Variants in SOX5 observed in about 807,000 individuals in gnomAD.
SOX5 encodes transcription factor SOX-5.
In SOX5, 9 loss-of-function variants were observed where a neutral mutation model predicts 92.0. The observed-to-expected ratio is 0.10, with a 90% confidence interval of 0.06 to 0.17. The LOEUF (loss-of-function observed/expected upper bound fraction) is 0.17. SOX5 is among the 10% of genes least tolerant of loss of function. The probability of loss-of-function intolerance (pLI) is 1.00; values close to 1 mark genes in which losing one functional copy is unlikely to be tolerated. For synonymous variants in SOX5, 344 were observed against 336.3 expected, an observed-to-expected ratio of 1.02 and a Z score of -0.25; for missense variants, 642 against 944.5, an observed-to-expected ratio of 0.68 and a Z score of 4.20.
intron 3 of SOX5, among the ~76,000 whole-genome samples, chr12:23,821,317 TTTTGGGGCTGAGATGATGGGGTTTTCTAA>T (rs1192315640): frequency 1.3e-5 from 2 of 152,024 alleles, no homozygotes; most frequent in Admixed American, 1.3e-4. Context: ...GCTTAAGGAG[TTTTGGGGCTGAGATGATGGGGTTTTCTAA>T]ATATACAATC....
chr12:24,143,788 G>T (rs1950805907), intron 4 of SOX5, among the ~76,000 whole-genome samples: 1 of 151,330 alleles, frequency 6.6e-6, no homozygotes, highest in Non-Finnish European at 1.5e-5. Context: ...AGAACGACAG[G>T]TAATAAGAGA....
At chr12:24,507,287 T>C (rs1948888377) in intron 1 of SOX5, among the ~76,000 whole-genome samples, 1 of 151,928 alleles carries the variant, frequency 6.6e-6, no homozygotes, top group Non-Finnish European at 1.5e-5. Context: ...AAATTAGGTA[T>C]ATAAGTAGAT....
intron 4 of SOX5, among the ~76,000 whole-genome samples, chr12:24,005,359 T>A (rs942134887): frequency 2.0e-5 from 3 of 152,142 alleles, no homozygotes; most frequent in African/African-American, 7.2e-5. Context: ...AGTAAAATAG[T>A]CTGATATTTT....
intron 1 of SOX5, among the ~76,000 whole-genome samples, chr12:24,491,072 T>C (rs1456001542): frequency 6.6e-6 from 1 of 151,574 alleles, no homozygotes; most frequent in Non-Finnish European, 1.5e-5. Flanking sequence ...CTTTCTTTCC[T>C]TCTTTCTTTC....
intron 4 of SOX5, among the ~76,000 whole-genome samples, chr12:24,156,857 G>A (rs866278802): frequency 2.0e-5 from 3 of 152,052 alleles, no homozygotes; most frequent in African/African-American, 7.2e-5. Flanking sequence ...TAAAACTTGT[G>A]AGAAAATGTC....
intron 4 of SOX5, among the ~76,000 whole-genome samples, chr12:24,181,238 G>A (rs1370798162): frequency 5.3e-5 from 8 of 152,080 alleles, no homozygotes; most frequent in Non-Finnish European, 1.2e-4. Flanking sequence ...CTCCCCATTG[G>A]GGTCTGATTC....
chr12:24,172,046 G>A (rs1336377909), intron 4 of SOX5, among the ~76,000 whole-genome samples: 1 of 151,768 alleles, frequency 6.6e-6, no homozygotes, highest in Non-Finnish European at 1.5e-5. Context: ...AGGAATGAGG[G>A]ATAATGTACT....
chr12:24,100,638 T>C (rs1159916419), intron 4 of SOX5, among the ~76,000 whole-genome samples: 2 of 152,102 alleles, frequency 1.3e-5, no homozygotes, highest in South Asian at 2.1e-4. Context: ...CAAATTTATG[T>C]CTCTAACCCA....
At chr12:23,823,598 G>A (rs1432062316) in intron 3 of SOX5, among the ~76,000 whole-genome samples, 1 of 152,126 alleles carries the variant, frequency 6.6e-6, no homozygotes, top group Non-Finnish European at 1.5e-5. Context: ...GTGTCTTGGG[G>A]TTGCTCTTCT....
intron 2 of SOX5, among the ~76,000 whole-genome samples, chr12:23,888,365 A>G (rs1040472985): frequency 2.0e-5 from 3 of 152,080 alleles, no homozygotes; most frequent in African/African-American, 7.2e-5. Flanking sequence ...TGGGGATAAT[A>G]GTAGACATTC....
intron 4 of SOX5, among the ~76,000 whole-genome samples, chr12:24,187,178 T>C (rs896802159): frequency 1.3e-5 from 2 of 152,152 alleles, no homozygotes; most frequent in African/African-American, 4.8e-5. Context: ...ATCTGAGTAT[T>C]AGACCAACAG....
rs555091735 is a variant in SOX5 at position 24,150,753 on chromosome 12, G to A, written c.-2+62590C>T. ...GGAATTAGTCAATACCTCACATTCA[G>A]CAGAGACACCAAGTAAAACAAGGGC... On this transcript the variant is annotated intron_variant, in intron 4 of 4. Coordinates refer to the SOX5 transcript ENST00000446891. Among the ~76,000 whole-genome samples, 16 of 152,216 alleles carry A rather than the reference G, an allele frequency of 1.1e-4. No individual in the cohort carries two copies. The South Asian group carries it at 2.1e-3, about 20-fold the overall frequency.
intron 7 of SOX5, among the ~76,000 whole-genome samples, chr12:23,658,755 T>C (rs2082644770): frequency 6.6e-6 from 1 of 152,100 alleles, no homozygotes; most frequent in African/African-American, 2.4e-5. Context: ...TAGCAAGGCA[T>C]GGTGGCAGAC....
intron 1 of SOX5, among the ~76,000 whole-genome samples, chr12:23,940,507 ATT>A (rs1943420827): frequency 6.6e-6 from 1 of 151,184 alleles, no homozygotes; most frequent in African/African-American, 2.4e-5. Context: ...AAGTAATGAA[ATT>A]TTAGAGTTAA....
At chr12:24,166,734 C>T (rs1953457044) in intron 4 of SOX5, among the ~76,000 whole-genome samples, 2 of 152,200 alleles carry the variant, frequency 1.3e-5, no homozygotes, top group South Asian at 4.1e-4. Flanking sequence ...GCACATAAAG[C>T]TAATTCATTC....
chr12:24,383,385 T>C (rs1259532245), intron 1 of SOX5, among the ~76,000 whole-genome samples: 2 of 152,246 alleles, frequency 1.3e-5, no homozygotes, highest in African/African-American at 2.4e-5. Flanking sequence ...TGTCCACATA[T>C]GTAGTTACAT....
At chr12:23,558,683 ACCTCTGC>A (rs1945665413) in intron 11 of SOX5, among the ~76,000 whole-genome samples, 1 of 152,132 alleles carries the variant, frequency 6.6e-6, no homozygotes, top group Non-Finnish European at 1.5e-5. Flanking sequence ...GCTCACCGCA[ACCTCTGC>A]CTCCCAGGTT....
In SOX5 at chr12:23,774,490, C is replaced by T. The variant is rs764206122; in HGVS notation, c.482-18766G>A. On this transcript the variant is annotated intron_variant, in intron 3 of 14. Coordinates refer to ENST00000451604, the MANE Select transcript of SOX5 (RefSeq NM_006940.6). ...TCCTTTGCACCCAAAATTCTAACTT[C>T]AATGATATTCTGCTGAGTCAAATTT... Among the ~76,000 whole-genome samples the T allele has an allele frequency of 6.6e-4, 100 of 152,118 alleles. 1 individual carries two copies. Among genetic ancestry groups the T allele is most frequent in the Non-Finnish European group, 1.1e-3 (76 of 67,944 alleles).
intron 3 of SOX5, among the ~76,000 whole-genome samples, chr12:23,833,608 C>A (rs954298617): frequency 6.6e-6 from 1 of 151,894 alleles, no homozygotes; most frequent in Non-Finnish European, 1.5e-5. Flanking sequence ...ATAAAGTTTT[C>A]ACTTGTATAA....
Sources: gnomAD v4.1 joint callset for allele counts (sites outside exome capture counted in the v4.1 genomes callset) on GRCh38, gnomAD v4.1.1 for gene constraint, MANE v1.5 for transcripts, NCBI Gene and HGNC (gene_info 2026-07-23, HGNC 2026-07-21) for gene names.